Variants in KCND2 observed in about 807,000 individuals in gnomAD.
KCND2 encodes A-type voltage-gated potassium channel KCND2.
Under a neutral mutation model 54.4 loss-of-function variants are expected in KCND2, and 16 were observed. The ratio of observed to expected loss-of-function variants is 0.29; its 90% CI spans 0.20 to 0.45. The LOEUF (loss-of-function observed/expected upper bound fraction) is 0.45. Among genes scored for constraint, KCND2 ranks in the 20% least tolerant of loss-of-function variants. The pLI is 1.00. For missense variants in KCND2, 486 were observed against 824.2 expected (o/e 0.59, Z 5.02); for synonymous variants, 317 against 310.7 (o/e 1.02, Z -0.21).
intron 1 of KCND2, among the ~76,000 whole-genome samples, chr7:120,398,909 C>T (rs865876301): frequency 6.6e-6 from 1 of 151,980 alleles, no homozygotes; most frequent in East Asian, 1.9e-4. Flanking sequence ...ATGTCTTAGA[C>T]GTGGTGAAAA....
rs115183323 is a variant in KCND2 at position 120,428,900 on chromosome 7, T to G, written c.1115+153153T>G. On this transcript the variant is annotated intron_variant, in intron 1 of 5. Coordinates refer to ENST00000331113, the MANE Select transcript of KCND2 (RefSeq NM_012281.3). Reference sequence around the variant, plus strand: ...AAATATGCCTTAAAGGTCCTTTATTTTTACCTCTCCAATTGTTGCTCTTTG... The same window carrying G: ...AAATATGCCTTAAAGGTCCTTTATTGTTACCTCTCCAATTGTTGCTCTTTG... 8.5e-3 allele frequency among the ~76,000 whole-genome samples: 1,288 copies of G among 152,286 alleles called. 15 individuals are homozygous for G. The highest frequency in any genetic ancestry group is 0.029 in the African/African-American group (1,222 of 41,562).
chr7:120,586,783 C>T (rs1008105243), intron 1 of KCND2, among the ~76,000 whole-genome samples: 56 of 152,268 alleles, frequency 3.7e-4, no homozygotes, highest in African/African-American at 1.3e-3. Context: ...GCCAAAGGCA[C>T]ATTCATAGCC....
chr7:120,670,802 G>A (rs1791982738), intron 1 of KCND2, among the ~76,000 whole-genome samples: 1 of 151,692 alleles, frequency 6.6e-6, no homozygotes, highest in South Asian at 2.1e-4. Flanking sequence ...TGTAGTCCCA[G>A]CTACTCGAGA....
intron 1 of KCND2, among the ~76,000 whole-genome samples, chr7:120,672,593 TCA>T (rs1334605670): frequency 6.6e-6 from 1 of 152,096 alleles, no homozygotes; most frequent in African/African-American, 2.4e-5. Context: ...CCCCTAGTTT[TCA>T]CAGTCTCCCT....
chr7:120,296,425 T>C (rs1031014806), intron 1 of KCND2, among the ~76,000 whole-genome samples: 2 of 152,108 alleles, frequency 1.3e-5, no homozygotes, highest in African/African-American at 4.8e-5. Context: ...CTCTCAAAAA[T>C]GAATTTTCTA....
chr7:120,398,360 A>G lies in KCND2; in HGVS notation c.1115+122613A>G, dbSNP rs73433823. Reference sequence around the variant, plus strand: ...CATTCACCTTTTTAAAAAATTATTTACTGAGCACCTACTATTTTCCAGGCA... The same window carrying G: ...CATTCACCTTTTTAAAAAATTATTTGCTGAGCACCTACTATTTTCCAGGCA... On this transcript the variant is annotated intron_variant, in intron 1 of 5. Coordinates refer to ENST00000331113, the MANE Select transcript of KCND2 (RefSeq NM_012281.3). 1.5e-3 allele frequency among the ~76,000 whole-genome samples: 223 copies of G among 152,134 alleles called. 1 individual carries two copies. Among genetic ancestry groups the G allele is most frequent in the African/African-American group, 5.0e-3 (207 of 41,542 alleles).
intron 1 of KCND2, among the ~76,000 whole-genome samples, chr7:120,477,260 A>G (rs919819665): frequency 1.3e-5 from 2 of 152,230 alleles, no homozygotes; most frequent in East Asian, 3.8e-4. Context: ...AACACCAAGC[A>G]AACGCTAATG....
At chr7:120,396,062 C>T (rs1801151791) in intron 1 of KCND2, among the ~76,000 whole-genome samples, 1 of 151,744 alleles carries the variant, frequency 6.6e-6, no homozygotes, top group Non-Finnish European at 1.5e-5. Context: ...ATAGATTACA[C>T]AAATTTAATA....
intron 1 of KCND2, among the ~76,000 whole-genome samples, chr7:120,578,740 C>T (rs1450095945): frequency 6.6e-6 from 1 of 152,036 alleles, no homozygotes; most frequent in African/African-American, 2.4e-5. Flanking sequence ...GTGGTGTGCA[C>T]CTGTAACCCA....
intron 1 of KCND2, among the ~76,000 whole-genome samples, chr7:120,525,300 G>A (rs1264611971): frequency 6.6e-6 from 1 of 152,104 alleles, no homozygotes; most frequent in African/African-American, 2.4e-5. Flanking sequence ...AAATTGAGAT[G>A]TTTACATTCT....
rs769703191 is a variant in KCND2, at chr7:120,275,078, A to G, written c.446A>G (p.Gln149Arg). ...AGGCGAGAGAACGCCGAGCGCCTGC[A>G]GGACGACGCGGATACCGACACCGCT... is the stretch of plus-strand genomic sequence containing the variant. ...DRRRENAERL[Q>R]DDADTDTAGE... Residue 149 changes from glutamine (Q) to arginine (R), a missense_variant, in exon 1 of 6, where the codon CAG becomes CGG. Physicochemically the swap from Gln to Arg is conservative, Grantham distance 43. Coordinates refer to ENST00000331113, the MANE Select transcript of KCND2 (RefSeq NM_012281.3). 1 of 1,613,932 alleles carries G rather than the reference A, an allele frequency of 6.2e-7. No individual in the cohort carries two copies. Among genetic ancestry groups the G allele is most frequent in the Non-Finnish European group, 8.5e-7 (1 of 1,179,986 alleles).
chr7:120,701,872 C>T (rs1021082040), intron 1 of KCND2, among the ~76,000 whole-genome samples: 2 of 152,132 alleles, frequency 1.3e-5, no homozygotes, highest in Admixed American at 6.6e-5. Context: ...ACAACGTAGG[C>T]AATGCCATTC....
At chr7:120,346,404 G>C (rs888134873) in intron 1 of KCND2, among the ~76,000 whole-genome samples, 2 of 152,116 alleles carry the variant, frequency 1.3e-5, no homozygotes, top group African/African-American at 4.8e-5. Context: ...TCCTGGGAAA[G>C]AAAATGGAAG....
At chr7:120,306,863 A>G (rs1584722045) in intron 1 of KCND2, among the ~76,000 whole-genome samples, 1 of 152,098 alleles carries the variant, frequency 6.6e-6, no homozygotes, top group African/African-American at 2.4e-5. Context: ...GTGACTATCC[A>G]CAGAGTATTG....
chr7:120,526,996 A>G (rs1195301547), intron 1 of KCND2, among the ~76,000 whole-genome samples: 1 of 152,168 alleles, frequency 6.6e-6, no homozygotes, highest in African/African-American at 2.4e-5. Context: ...TTTAACTTTC[A>G]TAACCAATAG....
chr7:120,418,563 T>C (rs1023972510), intron 1 of KCND2, among the ~76,000 whole-genome samples: 52 of 152,244 alleles, frequency 3.4e-4, no homozygotes, highest in African/African-American at 1.2e-3. Flanking sequence ...TACTCATTAC[T>C]CAGATGACCC....
intron 1 of KCND2, among the ~76,000 whole-genome samples, chr7:120,666,398 A>T (rs998013747): frequency 6.6e-6 from 1 of 151,974 alleles, no homozygotes; most frequent in Non-Finnish European, 1.5e-5. Flanking sequence ...TTCTAAAGAT[A>T]ATAAGGTAAA....
intron 1 of KCND2, among the ~76,000 whole-genome samples, chr7:120,461,959 A>G (rs1802289958): frequency 6.6e-6 from 1 of 152,180 alleles, no homozygotes; most frequent in African/African-American, 2.4e-5. Context: ...AATTATTTTC[A>G]TCAATATACA....
chr7:120,420,763 T>G (rs1801599708), intron 1 of KCND2, among the ~76,000 whole-genome samples: 1 of 152,074 alleles, frequency 6.6e-6, no homozygotes, highest in African/African-American at 2.4e-5. Flanking sequence ...TTCAAACTTT[T>G]TAAGAAATTA....
Sources: gnomAD v4.1 joint callset for allele counts (sites outside exome capture counted in the v4.1 genomes callset) on GRCh38, gnomAD v4.1.1 for gene constraint, MANE v1.5 for transcripts, NCBI Gene and HGNC (gene_info 2026-07-23, HGNC 2026-07-21) for gene names.